MED23: variants seen among roughly 807,000 people sequenced by gnomAD.
MED23 encodes mediator of RNA polymerase II transcription subunit 23.
MED23 carries 105 observed loss-of-function variants against 163.9 expected under a neutral mutation model. That is an observed-to-expected ratio of 0.64 (90% CI 0.55 to 0.75). The LOEUF (loss-of-function observed/expected upper bound fraction) is 0.75, where lower values mean the gene tolerates loss of function less well. Among genes scored for constraint, MED23 ranks in the 30% least tolerant of loss-of-function variants. MED23 has a pLI of 0.00. For missense variants in MED23, 1,054 were observed against 1,649.0 expected, an observed-to-expected ratio of 0.64 and a Z score of 6.25; for synonymous variants, 561 against 565.6, an observed-to-expected ratio of 0.99 and a Z score of 0.12.
chr6:131,587,609 A>G lies in MED23; in HGVS notation c.*70T>C, dbSNP rs1357627086. 1 of 1,609,802 alleles carries G rather than the reference A, an allele frequency of 6.2e-7. No homozygotes were observed. Among genetic ancestry groups the G allele is most frequent in the Non-Finnish European group, 8.5e-7 (1 of 1,178,032 alleles). On this transcript the variant is annotated 3_prime_UTR_variant, in exon 29 of 29. Coordinates refer to ENST00000368068, the MANE Select transcript of MED23 (RefSeq NM_004830.4). Reference sequence around the variant, plus strand: ...ATATCACTACAGTGTGATCGCATTCAGATTTAAAAGGTTTGAGTCCACTCT... The same window carrying G: ...ATATCACTACAGTGTGATCGCATTCGGATTTAAAAGGTTTGAGTCCACTCT...
rs77165245 is a variant in MED23, at chr6:131,576,026, G to A, written c.4096-1731C>T. On this transcript the variant is annotated intron_variant, in intron 30 of 30. Transcript: ENST00000354577. ...ACTCTTTCGATGCTTTTGCCCAATC[G>A]TTCCCTTGGTTTGCAGAGTTTCTCC... Among the ~76,000 whole-genome samples, 686 of 152,244 alleles carry A rather than the reference G, an allele frequency of 4.5e-3. 21 individuals are homozygous for A. In the East Asian group the frequency reaches 0.081, roughly 18 times the overall value.
chr6:131,577,917 A>G (rs972386178), intron 30 of MED23, among the ~76,000 whole-genome samples: 1 of 151,924 alleles, frequency 6.6e-6, no homozygotes, highest in Non-Finnish European at 1.5e-5. Flanking sequence ...AAAAAAAAAA[A>G]AAAGAAAAAG....
At chr6:131,578,647 C>T (rs1230311628) in intron 30 of MED23, among the ~76,000 whole-genome samples, 1 of 151,948 alleles carries the variant, frequency 6.6e-6, no homozygotes, top group Admixed American at 6.6e-5. Flanking sequence ...GTGTGTATCT[C>T]CAGATGAAAA....
intron 30 of MED23, chr6:131,581,134 A>T: frequency 7.1e-7 from 1 of 1,408,474 alleles, no homozygotes; most frequent in African/African-American, 1.4e-5. Flanking sequence ...TCAAAGGAAA[A>T]CCAAGTGGGA....
intron 5 of MED23, 35 bp from the exon 6 acceptor site, chr6:131,622,014 G>C (rs764955741): frequency 6.8e-7 from 1 of 1,473,346 alleles, no homozygotes; most frequent in East Asian, 2.3e-5. Context: ...TTAAAATTAA[G>C]TAGTGTCTAC....
intron 20 of MED23, among the ~76,000 whole-genome samples, chr6:131,597,702 A>G (rs1206128096): frequency 6.6e-6 from 1 of 152,122 alleles, no homozygotes; most frequent in Admixed American, 6.5e-5. Flanking sequence ...AAGTATCACA[A>G]GGCTAGGACC....
rs1204658706 is a variant in MED23, at chr6:131,586,794, C to CA, written c.*884_*885insT. ...TTTACTCATTAGTTTTCAAGTCTTT[C>CA]GCAATGCCAATTCCCCCAAAATTAA... On this transcript the variant is annotated 3_prime_UTR_variant, in exon 29 of 29. Transcript: ENST00000368068. 1.3e-5 allele frequency: 20 copies of CA among 1,497,236 alleles called. No homozygotes were observed. Among genetic ancestry groups the CA allele is most frequent in the Non-Finnish European group, 1.8e-5 (20 of 1,114,932 alleles). The allele number at this position is 1,497,236 out of a possible 1,614,324, so 92.7% of individuals were successfully genotyped here. A position where few individuals can be genotyped will look rare whatever the true frequency, so the allele number is the denominator to read the frequency against.
chr6:131,622,379 CTT>C (rs558666431), intron 5 of MED23, among the ~76,000 whole-genome samples: 299 of 152,278 alleles, frequency 2.0e-3, no homozygotes, highest in Middle Eastern at 0.014. Context: ...TGCTCACTCC[CTT>C]TTGTGCTGGG....
At chr6:131,574,183 G>A in exon 31 of MED23, 1 of 1,297,828 alleles carries the variant, frequency 7.7e-7, no homozygotes. Context: ...AATCAAACAA[G>A]ACAATGTATG....
intron 30 of MED23, chr6:131,576,510 G>T: frequency 1.4e-6 from 1 of 717,026 alleles, no homozygotes; most frequent in Non-Finnish European, 2.5e-6. Flanking sequence ...ACCTTGCTGT[G>T]AAGATTAAAA....
chr6:131,576,030 C>T (rs1360745430), intron 30 of MED23, among the ~76,000 whole-genome samples: 1 of 152,160 alleles, frequency 6.6e-6, no homozygotes, highest in Non-Finnish European at 1.5e-5. Context: ...CCAATCGTTC[C>T]CTTGGTTTGC....
At chr6:131,626,470 C>T (rs1384221667) in intron 3 of MED23, among the ~76,000 whole-genome samples, 1 of 151,768 alleles carries the variant, frequency 6.6e-6, no homozygotes, top group Non-Finnish European at 1.5e-5. Context: ...AGGGAATTAC[C>T]TGTAGATTAT....
intron 23 of MED23, 146 bp from the exon 24 acceptor site, chr6:131,593,317 G>T: frequency 1.0e-6 from 1 of 1,003,834 alleles, no homozygotes; most frequent in Non-Finnish European, 1.5e-6. Context: ...TGACATGATT[G>T]AAATGTATTA....
At chr6:131,625,911 G>T (rs541017618) in intron 3 of MED23, among the ~76,000 whole-genome samples, 2 of 151,552 alleles carry the variant, frequency 1.3e-5, no homozygotes, top group Admixed American at 1.3e-4. Flanking sequence ...TCATGAGGTC[G>T]GGAGATCGAG....
At position 131,619,799 on chromosome 6, in the gene MED23, T is replaced by C. The variant is rs745545253; in HGVS notation, c.667+28A>G. ...TTAGATTACTAAAAATCAGGTACTA[T>C]TTGGCATATTTAAAATTATAATCCT... On this transcript the variant is annotated intron_variant, in intron 8 of 28. Coordinates refer to ENST00000368068, the MANE Select transcript of MED23 (RefSeq NM_004830.4). 5.3e-6 allele frequency: 8 copies of C among 1,505,022 alleles called. No individual in the cohort carries two copies. The East Asian group carries it at 1.8e-4, about 34-fold the overall frequency. The allele number at this position is 1,505,022 out of a possible 1,614,324, so 93.2% of individuals were successfully genotyped here.
downstream of MED23, among the ~76,000 whole-genome samples, chr6:131,585,160 A>G (rs1356306641): frequency 6.6e-6 from 1 of 152,202 alleles, no homozygotes; most frequent in African/African-American, 2.4e-5. Context: ...CAATTACAGT[A>G]TATCTCATTA....
rs1775548160 is a variant in MED23, at chr6:131,602,363, G to A, written c.1950C>T (p.Leu650=). The change falls in exon 17 of 29, where the codon CTC becomes CTT. Residue 650 remains leucine (L), a synonymous_variant. Transcript: ENST00000368068. The part of the protein sequence containing the change: ...QLHLCVESTA[L]RLITALGSSE... ...AGCTACCTAATGCTGTTATAAGCCTGAGAGCAGTGCTCTCGACACTGAAAA... is the reference window on the plus strand; with the variant it reads ...AGCTACCTAATGCTGTTATAAGCCTAAGAGCAGTGCTCTCGACACTGAAAA... 2.5e-6 allele frequency: 4 copies of A among 1,613,694 alleles called. No homozygotes were observed. Among genetic ancestry groups the A allele is most frequent in the East Asian group, 2.2e-5 (1 of 44,872 alleles).
intron 9 of MED23, 49 bp from the exon 10 acceptor site, chr6:131,616,051 A>G: frequency 1.4e-6 from 2 of 1,405,128 alleles, no homozygotes; most frequent in Non-Finnish European, 2.0e-6. Flanking sequence ...TGTCAACATT[A>G]ATCCAAATTA....
chr6:131,596,082 T>C lies in MED23; in HGVS notation c.2860A>G (p.Ile954Val), dbSNP rs1775021964. Residue 954 changes from isoleucine (I) to valine (V), a missense_variant, in exon 22 of 29, where the codon ATC becomes GTC. Ile to Val is a conservative substitution (Grantham distance 29). Transcript: ENST00000368068. The stretch of plus-strand genomic sequence containing the variant: ...CGAAGACACACATTCCCAAAATAGA[T>C]GGGCAGATAGGGAGACTGGATCTGT... ...PVQIQSPYLPIYFGNVCLRFL... is the reference protein window; with the variant it reads ...PVQIQSPYLPVYFGNVCLRFL... 3 of 1,614,130 alleles carry C rather than the reference T, an allele frequency of 1.9e-6. No individual in the cohort carries two copies. The highest frequency in any genetic ancestry group is 2.5e-6 in the Non-Finnish European group (3 of 1,180,004).
Sources: allele counts gnomAD v4.1 joint callset (sites outside exome capture counted in the v4.1 genomes callset), GRCh38; gene constraint gnomAD v4.1.1; transcripts MANE v1.5; gene names NCBI Gene and HGNC (gene_info 2026-07-23, HGNC 2026-07-21).